MACROD2: variants seen among roughly 807,000 people sequenced by gnomAD.
The protein encoded by MACROD2 is ADP-ribose glycohydrolase MACROD2.
A neutral mutation model predicts 70.4 loss-of-function variants in MACROD2; 36 were observed. The observed-to-expected ratio is 0.51, with a 90% CI of 0.39 to 0.68. The LOEUF (loss-of-function observed/expected upper bound fraction) is 0.68. Ranked by LOEUF, MACROD2 falls within the 30% of genes least tolerant of loss-of-function variation. MACROD2 has a pLI of 0.00. For missense variants in MACROD2, 496 were observed against 538.4 expected (o/e 0.92, Z 0.78); for synonymous variants, 172 against 178.8 (o/e 0.96, Z 0.30).
intron 4 of MACROD2, among the ~76,000 whole-genome samples, chr20:14,518,967 A>C (rs2085134590): frequency 6.6e-6 from 1 of 152,206 alleles, no homozygotes. Context: ...AAAGAACTGA[A>C]AATTGCATAT....
intron 5 of MACROD2, among the ~76,000 whole-genome samples, chr20:15,045,337 G>C (rs1600993096): frequency 6.6e-6 from 1 of 152,140 alleles, no homozygotes; most frequent in African/African-American, 2.4e-5. Flanking sequence ...GGACACCTTT[G>C]CCACCTCTGT....
chr20:14,690,341 ACT>A (rs1243315101), intron 5 of MACROD2, among the ~76,000 whole-genome samples: 1 of 152,152 alleles, frequency 6.6e-6, no homozygotes, highest in Non-Finnish European at 1.5e-5. Context: ...TTGAAGGGAA[ACT>A]CTAAGGTGAG....
chr20:14,906,681 C>T (rs2073963541), intron 5 of MACROD2, among the ~76,000 whole-genome samples: 1 of 151,930 alleles, frequency 6.6e-6, no homozygotes, highest in South Asian at 2.1e-4. Context: ...TTCAGTAATG[C>T]GATTCTGAAA....
chr20:15,845,556 G>A (rs2064221627), intron 8 of MACROD2, among the ~76,000 whole-genome samples: 1 of 151,962 alleles, frequency 6.6e-6, no homozygotes, highest in African/African-American at 2.4e-5. Flanking sequence ...CCCTGTCGAA[G>A]TACAAAAGAA....
At chr20:14,746,246 G>A (rs6079549) in intron 5 of MACROD2, among the ~76,000 whole-genome samples, 58,302 of 151,990 alleles carry the variant, frequency 0.38, 13,130 homozygotes, top group Non-Finnish European at 0.51. Flanking sequence ...CTTGACAGAG[G>A]AACTCCTGCA....
intron 5 of MACROD2, among the ~76,000 whole-genome samples, chr20:14,911,116 G>C (rs78145211): frequency 7.2e-5 from 11 of 152,210 alleles, no homozygotes; most frequent in African/African-American, 2.6e-4. Context: ...TTCACACATT[G>C]AGGTCTTCAG....
chr20:14,611,944 G>A lies in MACROD2; in HGVS notation c.302-72899G>A, dbSNP rs1983198337. Among the ~76,000 whole-genome samples, 3 of 152,100 alleles carry A rather than the reference G, an allele frequency of 2.0e-5. No individual in the cohort carries two copies. In the South Asian group the frequency reaches 6.2e-4, roughly 31 times the overall value. On this transcript the variant is annotated intron_variant, in intron 4 of 17. Coordinates refer to ENST00000684519, the MANE Select transcript of MACROD2 (RefSeq NM_001351661.2). The stretch of plus-strand genomic sequence containing the variant: ...CAGGTACTCATCTAACATTTAAAAT[G>A]TAAACAGTGCAAATTTTTCTTAAAG...
At chr20:15,834,874 C>T (rs2191521) in intron 8 of MACROD2, among the ~76,000 whole-genome samples, 101,110 of 152,104 alleles carry the variant, frequency 0.66, 33,917 homozygotes, top group African/African-American at 0.74. Flanking sequence ...ATGAATATCG[C>T]ACTCCCCTCC....
chr20:14,781,086 TATACA>T (rs1010097568), intron 5 of MACROD2, among the ~76,000 whole-genome samples: 73 of 152,168 alleles, frequency 4.8e-4, no homozygotes, highest in Middle Eastern at 6.8e-3. Context: ...TGTTTTGAAA[TATACA>T]ATACATTACT....
rs537741902 is a variant in MACROD2 at position 14,426,692 on chromosome 20, A to T, written c.272-66787A>T. ...TCTCCATATTTTTCTACTTAGGCAG[A>T]TCAGATATCCCAGAGAAGGATCCTC... On this transcript the variant is annotated intron_variant, in intron 3 of 17. Transcript: ENST00000684519. Among the ~76,000 whole-genome samples, 4 of 152,268 alleles carry T rather than the reference A, an allele frequency of 2.6e-5. No homozygotes were observed. In the South Asian group the frequency reaches 8.3e-4, roughly 32 times the overall value.
chr20:15,775,889 A>G (rs929314625), intron 8 of MACROD2, among the ~76,000 whole-genome samples: 3 of 152,166 alleles, frequency 2.0e-5, no homozygotes, highest in Admixed American at 6.5e-5. Flanking sequence ...ATGCTTACTC[A>G]GATCCAAAGA....
chr20:14,448,223 A>G (rs896485281), intron 3 of MACROD2, among the ~76,000 whole-genome samples: 3 of 151,984 alleles, frequency 2.0e-5, no homozygotes, highest in East Asian at 3.9e-4. Context: ...TAAAGATTCA[A>G]TTGCTGTTTA....
intron 6 of MACROD2, among the ~76,000 whole-genome samples, chr20:15,404,716 C>T (rs2045974538): frequency 6.6e-6 from 1 of 152,188 alleles, no homozygotes; most frequent in African/African-American, 2.4e-5. Context: ...CCACAGTCTT[C>T]CTTTCTCTCT....
chr20:14,856,692 A>G (rs1415735745), intron 5 of MACROD2, among the ~76,000 whole-genome samples: 1 of 152,124 alleles, frequency 6.6e-6, no homozygotes. Context: ...CAGGTTTTGG[A>G]CAAAGCCCAA....
chr20:14,746,339 A>C (rs1378295202), intron 5 of MACROD2, among the ~76,000 whole-genome samples: 1 of 152,152 alleles, frequency 6.6e-6, no homozygotes, highest in Non-Finnish European at 1.5e-5. Flanking sequence ...TTTTAAATCA[A>C]AATGGGATTT....
At chr20:15,603,959 A>G (rs916052492) in intron 8 of MACROD2, among the ~76,000 whole-genome samples, 5 of 152,218 alleles carry the variant, frequency 3.3e-5, no homozygotes, top group Non-Finnish European at 7.3e-5. Context: ...ATTAGTGGTC[A>G]TTCCTCTATT....
intron 10 of MACROD2, among the ~76,000 whole-genome samples, chr20:15,900,341 C>T (rs772149529): frequency 1.2e-4 from 19 of 152,112 alleles, no homozygotes; most frequent in Non-Finnish European, 2.5e-4. Flanking sequence ...GTGTAAATTT[C>T]CATGGTGAAA....
chr20:15,910,205 G>T (rs1214107040), intron 10 of MACROD2, among the ~76,000 whole-genome samples: 1 of 152,122 alleles, frequency 6.6e-6, no homozygotes, highest in African/African-American at 2.4e-5. Flanking sequence ...TGTTGCTTTT[G>T]CTGAGAAGAC....
chr20:14,048,999 A>C (rs1314529305), intron 2 of MACROD2, among the ~76,000 whole-genome samples: 1 of 152,100 alleles, frequency 6.6e-6, no homozygotes. Flanking sequence ...ATGGTATACT[A>C]TGCAAAGAGC....
Sources: gnomAD v4.1 joint callset for allele counts (sites outside exome capture counted in the v4.1 genomes callset) on GRCh38, gnomAD v4.1.1 for gene constraint, MANE v1.5 for transcripts, NCBI Gene and HGNC (gene_info 2026-07-23, HGNC 2026-07-21) for gene names.